Variants in FOXP1 observed in about 807,000 individuals in gnomAD.
FOXP1 encodes forkhead box P1, also known as forkhead box protein P1.
In FOXP1, 15 loss-of-function variants were observed where a neutral mutation model predicts 98.2. That is an observed-to-expected ratio of 0.15 (90% CI 0.10 to 0.24). The LOEUF is 0.24. FOXP1 is among the 10% of genes least tolerant of loss of function. The pLI is 1.00. For missense variants in FOXP1, 633 were observed against 848.5 expected (o/e 0.75, Z 3.15); for synonymous variants, 371 against 314.5 (o/e 1.18, Z -1.90).
intron 3 of FOXP1, chr3:71,360,734 C>T (rs557329592): frequency 3.2e-4 from 48 of 152,162 alleles, no homozygotes; most frequent in African/African-American, 1.1e-3. Context: ...CGTACATGTA[C>T]GTCTGTGTGC....
intron 2 of FOXP1, among the ~76,000 whole-genome samples, chr3:71,536,350 C>G (rs2044287315): frequency 6.6e-6 from 1 of 152,084 alleles, no homozygotes. Context: ...CTACGCATCC[C>G]CTACCCAAAT....
At chr3:71,181,862 C>T (rs1376556345) in intron 6 of FOXP1, among the ~76,000 whole-genome samples, 1 of 151,740 alleles carries the variant, frequency 6.6e-6, no homozygotes. Flanking sequence ...GAAACCCTAT[C>T]TCTACTAAAA....
At chr3:71,421,255 A>G (rs1009851462) in intron 3 of FOXP1, among the ~76,000 whole-genome samples, 7 of 151,836 alleles carry the variant, frequency 4.6e-5, no homozygotes, top group Non-Finnish European at 7.4e-5. Context: ...AAGTGAATAA[A>G]TATCATTTTC....
At chr3:71,430,389 T>C (rs2084598145) in intron 3 of FOXP1, among the ~76,000 whole-genome samples, 1 of 152,164 alleles carries the variant, frequency 6.6e-6, no homozygotes, top group African/African-American at 2.4e-5. Flanking sequence ...TGAAATTTTA[T>C]AACAGATGAC....
intron 13 of FOXP1, among the ~76,000 whole-genome samples, chr3:70,994,034 A>T (rs1015705867): frequency 5.9e-5 from 9 of 151,378 alleles, no homozygotes; most frequent in Admixed American, 4.6e-4. Context: ...AAGAAAAAGA[A>T]AAAGAAAAAA....
In FOXP1 at chr3:71,210,337, T is replaced by C. The variant is rs145953207; in HGVS notation, c.-11-11945A>G. Among the ~76,000 whole-genome samples the C allele has an allele frequency of 3.1e-3, 479 of 152,340 alleles. 2 individuals are homozygous for C. Among genetic ancestry groups the C allele is most frequent in the African/African-American group, 0.011 (462 of 41,568 alleles). ...CTTTCATGTTTTTGTTTTGTTGCTC[T>C]GTGGTTTGTTCCCTAAGTCCCTCTC... On this transcript the variant is annotated intron_variant, in intron 5 of 20. Coordinates refer to ENST00000649528, the MANE Select transcript of FOXP1 (RefSeq NM_001349338.3).
At chr3:71,426,328 G>A (rs58837450) in intron 3 of FOXP1, among the ~76,000 whole-genome samples, 2,558 of 152,210 alleles carry the variant, frequency 0.017, 76 homozygotes, top group African/African-American at 0.058. Context: ...TTGTTAGATG[G>A]GAGTCTCTCC....
intron 7 of FOXP1, among the ~76,000 whole-genome samples, chr3:71,059,242 G>C (rs2051136565): frequency 6.6e-6 from 1 of 152,090 alleles, no homozygotes; most frequent in Non-Finnish European, 1.5e-5. Context: ...TGCCAATCAG[G>C]AGTTATTTCA....
chr3:71,463,681 T>C (rs1279776038), intron 3 of FOXP1, among the ~76,000 whole-genome samples: 1 of 152,122 alleles, frequency 6.6e-6, no homozygotes, highest in Non-Finnish European at 1.5e-5. Context: ...AAAGGCACTG[T>C]TTAATGAAAG....
chr3:71,180,484 A>G (rs1402741313), intron 6 of FOXP1, among the ~76,000 whole-genome samples: 1 of 152,200 alleles, frequency 6.6e-6, no homozygotes, highest in African/African-American at 2.4e-5. Context: ...GCAAGAAAAA[A>G]AAATAGACAT....
intron 5 of FOXP1, among the ~76,000 whole-genome samples, chr3:71,267,199 A>C (rs572038642): frequency 2.7e-4 from 41 of 151,494 alleles, no homozygotes; most frequent in Admixed American, 1.3e-3. Flanking sequence ...ATATACCATA[A>C]ATTTTGTAAA....
chr3:71,200,740 T>C (rs2063620610), intron 5 of FOXP1, among the ~76,000 whole-genome samples: 1 of 152,242 alleles, frequency 6.6e-6, no homozygotes, highest in Non-Finnish European at 1.5e-5. Flanking sequence ...ATGCTACAGA[T>C]TTCTGCCCCA....
At position 71,383,195 on chromosome 3, in the gene FOXP1, A is replaced by G. The variant is rs562619788; in HGVS notation, c.-167-23951T>C. On this transcript the variant is annotated intron_variant, in intron 3 of 20. Transcript: ENST00000649528. ...ATGGGCCAGCTCCAGGTGGCTCTCTAACAGCAAATGCTTTCCGCTAGCTCT... is the reference window on the plus strand; with the variant it reads ...ATGGGCCAGCTCCAGGTGGCTCTCTGACAGCAAATGCTTTCCGCTAGCTCT... 2.0e-5 allele frequency among the ~76,000 whole-genome samples: 3 copies of G among 152,340 alleles called. No homozygotes were observed. In the South Asian group the frequency reaches 6.2e-4, roughly 32 times the overall value.
In FOXP1 at chr3:71,269,088, G is replaced by A. The variant is rs543999256; in HGVS notation, c.-12+30732C>T. 1.3e-4 allele frequency among the ~76,000 whole-genome samples: 19 copies of A among 144,212 alleles called. No individual in the cohort carries two copies. The Admixed American group carries it at 1.3e-3, about 10-fold the overall frequency. The allele number at this position is 144,212 out of a possible 152,430, so 94.6% of individuals were successfully genotyped here. ...CTGGACTCACAGCTACTCAGAGTGG[G>A]GTTTTTTTTGTTTTTTTTTTTTTTC... On this transcript the variant is annotated intron_variant, in intron 5 of 20. Transcript: ENST00000649528.
intron 5 of FOXP1, among the ~76,000 whole-genome samples, chr3:71,226,927 G>A (rs752965888): frequency 6.6e-6 from 1 of 152,140 alleles, no homozygotes; most frequent in Admixed American, 6.5e-5. Flanking sequence ...GATGTCAGAC[G>A]GCAGCTGACA....
At chr3:70,976,520 G>A (rs775031280) in intron 17 of FOXP1, among the ~76,000 whole-genome samples, 48 of 152,234 alleles carry the variant, frequency 3.2e-4, no homozygotes, top group Non-Finnish European at 6.0e-4. Flanking sequence ...ATTGAAGGCT[G>A]TGTCAAGTTT....
chr3:71,427,768 C>T (rs1471100949), intron 3 of FOXP1, among the ~76,000 whole-genome samples: 2 of 152,146 alleles, frequency 1.3e-5, no homozygotes, highest in African/African-American at 2.4e-5. Flanking sequence ...AAGAGGATGC[C>T]TGGCTTTCAG....
At chr3:71,471,594 T>C (rs932044272) in intron 3 of FOXP1, among the ~76,000 whole-genome samples, 2 of 152,152 alleles carry the variant, frequency 1.3e-5, no homozygotes, top group African/African-American at 4.8e-5. Flanking sequence ...TTCCATTCTT[T>C]TCAACTCAGA....
intron 2 of FOXP1, among the ~76,000 whole-genome samples, chr3:71,580,311 G>A (rs1309084809): frequency 3.3e-5 from 5 of 150,718 alleles, no homozygotes; most frequent in African/African-American, 1.2e-4. Flanking sequence ...GATTTTAGCT[G>A]ACACCTTTTG....
Sources: allele counts gnomAD v4.1 joint callset (sites outside exome capture counted in the v4.1 genomes callset), GRCh38; gene constraint gnomAD v4.1.1; transcripts MANE v1.5; gene names NCBI Gene and HGNC (gene_info 2026-07-23, HGNC 2026-07-21).